The following LIN52 variants were observed in gnomAD, a reference collection of about 807,000 sequenced individuals.
The protein encoded by LIN52 is protein lin-52 homolog.
In LIN52, 4 loss-of-function variants were observed where a neutral mutation model predicts 18.5. The observed-to-expected ratio is 0.22, with a 90% CI of 0.11 to 0.49. LIN52 has a LOEUF of 0.49. Ranked by LOEUF, LIN52 falls within the 20% of genes least tolerant of loss-of-function variation. The pLI, the probability that LIN52 is intolerant of heterozygous loss-of-function variation, is 0.97. For missense variants in LIN52, 102 were observed against 139.5 expected, an observed-to-expected ratio of 0.73 and a Z score of 1.35; for synonymous variants, 34 against 45.5, an observed-to-expected ratio of 0.75 and a Z score of 1.02.
chr14:74,168,467 G>C lies in LIN52; in HGVS notation c.284-30455G>C, dbSNP rs144702365. On this transcript the variant is annotated intron_variant, in intron 5 of 5. Coordinates refer to ENST00000555028, the MANE Select transcript of LIN52 (RefSeq NM_001024674.3). Reference sequence around the variant, plus strand: ...GTGGATCACGAGGTCAGGAGATCGAGACCATCCTGGCTAACATGGTGAAAC... The same window carrying C: ...GTGGATCACGAGGTCAGGAGATCGACACCATCCTGGCTAACATGGTGAAAC... Among the ~76,000 whole-genome samples, 938 of 152,202 alleles carry C rather than the reference G, an allele frequency of 6.2e-3. 10 individuals carry two copies. Among genetic ancestry groups the C allele is most frequent in the African/African-American group, 0.022 (898 of 41,538 alleles).
intron 5 of LIN52, among the ~76,000 whole-genome samples, chr14:74,110,848 C>A (rs185183590): frequency 2.8e-4 from 43 of 151,536 alleles, no homozygotes; most frequent in African/African-American, 9.9e-4. Flanking sequence ...CACCTGTAGT[C>A]CCAGCAACTT....
intron 5 of LIN52, among the ~76,000 whole-genome samples, chr14:74,178,481 A>T (rs1230002685): frequency 6.7e-6 from 1 of 148,258 alleles, no homozygotes; most frequent in African/African-American, 2.5e-5. Context: ...TTTTTGCGAC[A>T]GATTCTTGCT....
intron 5 of LIN52, among the ~76,000 whole-genome samples, chr14:74,158,113 A>ATG (rs1342200066): frequency 2.4e-4 from 13 of 55,152 alleles, no homozygotes; most frequent in Non-Finnish European, 4.9e-4. Flanking sequence ...TGCTATATAT[A>ATG]TATATATATA....
chr14:74,173,302 C>T (rs575239447), intron 5 of LIN52, among the ~76,000 whole-genome samples: 11 of 152,276 alleles, frequency 7.2e-5, no homozygotes, highest in African/African-American at 2.6e-4. Context: ...ATTCTCCTGC[C>T]TCAGCCCCCT....
At chr14:74,134,666 C>T (rs893018529) in intron 5 of LIN52, among the ~76,000 whole-genome samples, 3 of 152,118 alleles carry the variant, frequency 2.0e-5, no homozygotes, top group African/African-American at 7.2e-5. Context: ...AATTAAAACA[C>T]AGGGTTTCAC....
intron 5 of LIN52, among the ~76,000 whole-genome samples, chr14:74,137,493 GCT>G (rs778315773): frequency 1.1e-5 from 1 of 89,478 alleles, no homozygotes; most frequent in Non-Finnish European, 2.0e-5. Flanking sequence ...CTTCACAGCA[GCT>G]CTCTTTTTTT....
intron 5 of LIN52, among the ~76,000 whole-genome samples, chr14:74,101,460 C>CTTTTTTTTTT (rs200423163): frequency 7.2e-6 from 1 of 138,842 alleles, no homozygotes; most frequent in Non-Finnish European, 1.6e-5. Context: ...AATGATTTTT[C>CTTTTTTTTTT]TTTTTTTTTT....
rs756512457 is a variant in LIN52, at chr14:74,199,890, CA to C, written c.*914del. 1 of 152,166 alleles carries C rather than the reference CA, an allele frequency of 6.6e-6. No individual in the cohort carries two copies. The highest frequency in any genetic ancestry group is 1.5e-5 in the Non-Finnish European group (1 of 68,042). The allele number at this position is 152,166 out of a possible 1,614,324, so 9.4% of individuals were successfully genotyped here. A position where few individuals can be genotyped will look rare whatever the true frequency, so the allele number is the denominator to read the frequency against. On this transcript the variant is annotated 3_prime_UTR_variant, in exon 6 of 6. Coordinates refer to ENST00000555028, the MANE Select transcript of LIN52 (RefSeq NM_001024674.3). Reference sequence around the variant, plus strand: ...ATGGTGGGATTGTCCCCTCTGACAGCACATATGAAATAGTTCATCTATATAA... The same window carrying C: ...ATGGTGGGATTGTCCCCTCTGACAGCCATATGAAATAGTTCATCTATATAA...
intron 5 of LIN52, among the ~76,000 whole-genome samples, chr14:74,137,815 A>G (rs936475029): frequency 1.3e-5 from 2 of 152,066 alleles, no homozygotes; most frequent in Admixed American, 1.3e-4. Context: ...AGCTCTTTTA[A>G]TAAATATTTA....
At chr14:74,138,770 A>AG (rs1231586520) in intron 5 of LIN52, among the ~76,000 whole-genome samples, 1 of 34,938 alleles carries the variant, frequency 2.9e-5, no homozygotes, top group African/African-American at 1.1e-4. Context: ...ACCCTGCCTC[A>AG]AAAAAAAAAA....
At chr14:74,171,736 CTT>C (rs534860812) in intron 5 of LIN52, among the ~76,000 whole-genome samples, 1 of 122,698 alleles carries the variant, frequency 8.2e-6, no homozygotes, top group African/African-American at 3.3e-5. Context: ...TATTTTAATT[CTT>C]TTTTTTTTTT....
intron 5 of LIN52, among the ~76,000 whole-genome samples, chr14:74,190,885 G>T (rs1414157378): frequency 6.6e-6 from 1 of 152,208 alleles, no homozygotes; most frequent in Non-Finnish European, 1.5e-5. Flanking sequence ...GTCCTAATGG[G>T]ATGAAGCTCC....
chr14:74,121,150 G>C (rs1423805996), intron 5 of LIN52, among the ~76,000 whole-genome samples: 3 of 152,200 alleles, frequency 2.0e-5, no homozygotes, highest in Non-Finnish European at 4.4e-5. Context: ...TTGGAGTCAA[G>C]TTGTAAATTC....
intron 5 of LIN52, among the ~76,000 whole-genome samples, chr14:74,104,409 G>A (rs1020053479): frequency 2.0e-5 from 3 of 151,916 alleles, no homozygotes; most frequent in Non-Finnish European, 4.4e-5. Flanking sequence ...TTTTTAGCCT[G>A]TCATACTTCC....
At chr14:74,157,191 C>T (rs1036200852) in intron 5 of LIN52, among the ~76,000 whole-genome samples, 1 of 151,846 alleles carries the variant, frequency 6.6e-6, no homozygotes, top group African/African-American at 2.4e-5. Context: ...TGCCACCACA[C>T]CCAGCTAATT....
intron 3 of LIN52, among the ~76,000 whole-genome samples, chr14:74,097,136 A>G (rs1364336910): frequency 1.3e-5 from 2 of 152,212 alleles, no homozygotes; most frequent in African/African-American, 4.8e-5. Flanking sequence ...AATGTTACTT[A>G]CTGATTAGTG....
intron 5 of LIN52, among the ~76,000 whole-genome samples, chr14:74,139,719 A>G (rs2061118580): frequency 6.6e-6 from 1 of 152,210 alleles, no homozygotes; most frequent in South Asian, 2.1e-4. Flanking sequence ...TGATTTGTGT[A>G]TGTTTACCAA....
intron 5 of LIN52, among the ~76,000 whole-genome samples, chr14:74,139,612 G>A (rs1040638897): frequency 6.6e-6 from 1 of 152,046 alleles, no homozygotes; most frequent in East Asian, 1.9e-4. Flanking sequence ...TTCATCTTCA[G>A]GGAACAAGCC....
chr14:74,187,341 A>C (rs890655930), intron 5 of LIN52, among the ~76,000 whole-genome samples: 4 of 152,226 alleles, frequency 2.6e-5, no homozygotes, highest in African/African-American at 9.6e-5. Flanking sequence ...AAAAATAATG[A>C]GTTAGCAGAG....
Sources: gnomAD v4.1 joint callset for allele counts (sites outside exome capture counted in the v4.1 genomes callset) on GRCh38, gnomAD v4.1.1 for gene constraint, MANE v1.5 for transcripts, NCBI Gene and HGNC (gene_info 2026-07-23, HGNC 2026-07-21) for gene names.